The following DLG1 variants were observed in gnomAD, a reference collection of about 807,000 sequenced individuals.
DLG1 encodes discs large MAGUK scaffold protein 1.
DLG1 carries 42 observed loss-of-function variants against 123.4 expected under a neutral mutation model. That is an observed-to-expected ratio of 0.34 (90% CI 0.27 to 0.44). DLG1 has a LOEUF of 0.44. Ranked by LOEUF, DLG1 falls within the 20% of genes least tolerant of loss-of-function variation. The pLI, the probability that DLG1 is intolerant of heterozygous loss-of-function variation, is 1.00. For synonymous variants in DLG1, 317 were observed against 356.2 expected (o/e 0.89, Z 1.24); for missense variants, 942 against 1,082.6 (o/e 0.87, Z 1.82).
At chr3:197,287,040 AT>A (rs545413491) in intron 3 of DLG1, among the ~76,000 whole-genome samples, 4 of 148,108 alleles carry the variant, frequency 2.7e-5, no homozygotes, top group Non-Finnish European at 3.0e-5. Context: ...GCCTGGTTAA[AT>A]TTTTTTTTTT....
chr3:197,133,662 T>A (rs1369357433), intron 10 of DLG1, among the ~76,000 whole-genome samples: 1 of 152,118 alleles, frequency 6.6e-6, no homozygotes, highest in Non-Finnish European at 1.5e-5. Context: ...AACAGTGACC[T>A]TGGGAGTGAA....
intron 5 of DLG1, among the ~76,000 whole-genome samples, chr3:197,178,492 T>G (rs920818348): frequency 6.6e-6 from 1 of 152,022 alleles, no homozygotes; most frequent in African/African-American, 2.4e-5. Flanking sequence ...AGATACTGAG[T>G]AGAAAGTTAG....
chr3:197,064,846 GC>G (rs1189908338), intron 22 of DLG1, among the ~76,000 whole-genome samples: 1 of 150,812 alleles, frequency 6.6e-6, no homozygotes, highest in African/African-American at 2.4e-5. Context: ...TTGTTCTGTT[GC>G]CCAGGCTGGA....
intron 5 of DLG1, among the ~76,000 whole-genome samples, chr3:197,168,218 C>T (rs1017100074): frequency 7.2e-5 from 11 of 152,186 alleles, no homozygotes; most frequent in African/African-American, 2.7e-4. Context: ...AGCATCTTAA[C>T]CCATCCCCCT....
chr3:197,195,659 G>GT, intron 4 of DLG1, among the ~76,000 whole-genome samples: 2 of 152,222 alleles, frequency 1.3e-5, no homozygotes, highest in Admixed American at 1.3e-4. Flanking sequence ...GTTCCCACTT[G>GT]TAAGTGGGAG....
intron 13 of DLG1, among the ~76,000 whole-genome samples, chr3:197,106,611 A>C (rs887582341): frequency 1.3e-5 from 2 of 152,148 alleles, no homozygotes; most frequent in Non-Finnish European, 2.9e-5. Context: ...AATATAAAGA[A>C]AGACAGGTTT....
chr3:197,080,909 T>C, intron 17 of DLG1, 142 bp downstream of exon 17: 1 of 631,970 alleles, frequency 1.6e-6, no homozygotes, highest in East Asian at 3.1e-5. Context: ...GGTGCTTGAA[T>C]TTAACAAATG....
intron 3 of DLG1, among the ~76,000 whole-genome samples, chr3:197,291,150 G>A (rs149647539): frequency 9.2e-5 from 14 of 152,240 alleles, no homozygotes; most frequent in African/African-American, 2.9e-4. Flanking sequence ...CTGCTTCAGA[G>A]CAGTAGTAAG....
intron 13 of DLG1, among the ~76,000 whole-genome samples, chr3:197,108,348 T>C (rs1469870535): frequency 6.6e-6 from 1 of 152,228 alleles, no homozygotes; most frequent in Non-Finnish European, 1.5e-5. Flanking sequence ...TTATTCCTTT[T>C]TGGGGAAGAG....
At chr3:197,164,921 C>CAA (rs11406646) in intron 5 of DLG1, among the ~76,000 whole-genome samples, 1,747 of 138,474 alleles carry the variant, frequency 0.013, 33 homozygotes, top group African/African-American at 0.044. Flanking sequence ...AAGACTATCT[C>CAA]AAAAAAAGAA....
At chr3:197,203,296 A>G (rs1278376600) in intron 4 of DLG1, among the ~76,000 whole-genome samples, 2 of 152,174 alleles carry the variant, frequency 1.3e-5, no homozygotes, top group East Asian at 3.8e-4. Flanking sequence ...TAAAATCTCC[A>G]TCTCGTAAAA....
intron 4 of DLG1, among the ~76,000 whole-genome samples, chr3:197,233,742 ACTC>A (rs1410536429): frequency 3.9e-5 from 6 of 151,974 alleles, no homozygotes; most frequent in Non-Finnish European, 8.8e-5. Flanking sequence ...CTGGTCTTGA[ACTC>A]CTGACCTCAA....
At chr3:197,108,568 T>C (rs1767914676) in intron 13 of DLG1, among the ~76,000 whole-genome samples, 1 of 144,444 alleles carries the variant, frequency 6.9e-6, no homozygotes, top group South Asian at 2.3e-4. Context: ...TATATAACTA[T>C]AAAATATATA....
intron 5 of DLG1, among the ~76,000 whole-genome samples, chr3:197,161,029 A>G (rs1798563282): frequency 6.6e-6 from 1 of 152,216 alleles, no homozygotes; most frequent in South Asian, 2.1e-4. Context: ...ACTAAAAATG[A>G]TTAGACTCTC....
At chr3:197,225,616 A>C (rs552317863) in intron 4 of DLG1, among the ~76,000 whole-genome samples, 105 of 152,348 alleles carry the variant, frequency 6.9e-4, no homozygotes, top group African/African-American at 2.4e-3. Context: ...CCAAGTCAAT[A>C]ATTAATCCTC....
In DLG1 at chr3:197,269,769, C is replaced by T. The variant is rs1035786669; in HGVS notation, c.318+12910G>A. Reference sequence around the variant, plus strand: ...GAATGAATTCATGCTCCTCTAACATCCCAAATTATTACAATGTATGTGATG... The same window carrying T: ...GAATGAATTCATGCTCCTCTAACATTCCAAATTATTACAATGTATGTGATG... On this transcript the variant is annotated intron_variant, in intron 4 of 24. Transcript: ENST00000667157. Among the ~76,000 whole-genome samples, 3 of 152,108 alleles carry T rather than the reference C, an allele frequency of 2.0e-5. No individual in the cohort carries two copies. In the South Asian group the frequency reaches 6.2e-4, roughly 32 times the overall value.
intron 5 of DLG1, among the ~76,000 whole-genome samples, chr3:197,192,021 A>G (rs1719866289): frequency 6.6e-6 from 1 of 152,076 alleles, no homozygotes; most frequent in Non-Finnish European, 1.5e-5. Context: ...ACCAAACAAA[A>G]AAAATAGCCA....
intron 11 of DLG1, among the ~76,000 whole-genome samples, chr3:197,130,300 G>GT (rs559962214): frequency 9.2e-5 from 14 of 152,134 alleles, no homozygotes; most frequent in Admixed American, 7.2e-4. Flanking sequence ...TCCTTTAAAT[G>GT]TAACTACTAC....
chr3:197,068,426 AACC>A, intron 19 of DLG1: 1 of 982,968 alleles, frequency 1.0e-6, no homozygotes, highest in Non-Finnish European at 1.5e-6. Flanking sequence ...AAAAATAATC[AACC>A]AAATGAATGA....
Sources: gnomAD v4.1 joint callset for allele counts (sites outside exome capture counted in the v4.1 genomes callset) on GRCh38, gnomAD v4.1.1 for gene constraint, MANE v1.5 for transcripts, NCBI Gene and HGNC (gene_info 2026-07-23, HGNC 2026-07-21) for gene names.